The following ITGB2 variants were observed in gnomAD, a reference collection of about 807,000 sequenced individuals.
The protein encoded by ITGB2 is integrin beta-2.
A neutral mutation model predicts 86.8 loss-of-function variants in ITGB2; 56 were observed. That is an observed-to-expected ratio of 0.65 (90% CI 0.52 to 0.81). The LOEUF is 0.81. ITGB2 is among the 30% of genes least tolerant of loss of function. The pLI is 0.00. For synonymous variants in ITGB2, 457 were observed against 450.4 expected, an observed-to-expected ratio of 1.01 and a Z score of -0.19; for missense variants, 948 against 1,061.2, an observed-to-expected ratio of 0.89 and a Z score of 1.48.
Position 44,905,387 on chromosome 21 carries a change from A to T in ITGB2, c.328+1528T>A, listed in dbSNP as rs183038769. Among the ~76,000 whole-genome samples the T allele has an allele frequency of 1.3e-3, 202 of 152,110 alleles. 3 individuals carry two copies. The highest frequency in any genetic ancestry group is 4.7e-3 in the African/African-American group (193 of 41,498). ...AGCATTTGCCCCCTGCACAGTGGGGATGCATGCCAGGCCGTGGGCAGCCAC... is the reference window on the plus strand; with the variant it reads ...AGCATTTGCCCCCTGCACAGTGGGGTTGCATGCCAGGCCGTGGGCAGCCAC... On this transcript the variant is annotated intron_variant, in intron 4 of 15. Coordinates refer to ENST00000652462, the MANE Select transcript of ITGB2 (RefSeq NM_000211.5).
chr21:44,886,793 G>A lies in ITGB2; in HGVS notation c.2190C>T (p.Ser730=), dbSNP rs375930896. The A allele has an allele frequency of 1.9e-5, 30 of 1,613,850 alleles. No homozygotes were observed. Among genetic ancestry groups the A allele is most frequent in the Middle Eastern group, 1.6e-4 (1 of 6,084 alleles). ...CAAAGCGCCTGTACTCCCGGAGGTC[G>A]CTCAGGTGGATCAGAGCCTTCCAGA... ...LVIWKALIHL[S]DLREYRRFEK... is the part of the protein sequence containing the mutation. The change falls in exon 15 of 16, where the codon AGC becomes AGT. Residue 730 remains serine (S), a synonymous_variant. Transcript: ENST00000652462.
intron 6 of ITGB2, among the ~76,000 whole-genome samples, chr21:44,900,958 C>T (rs917562814): frequency 1.3e-5 from 2 of 152,210 alleles, no homozygotes; most frequent in South Asian, 2.1e-4. Flanking sequence ...AGCAGTGTGT[C>T]TGCGCTGGGA....
Position 44,891,806 on chromosome 21 carries a change from C to T in ITGB2, c.1412+3G>A, listed in dbSNP as rs1445361252. 2 of 1,603,736 alleles carry T rather than the reference C, an allele frequency of 1.2e-6. No homozygotes were observed. Among genetic ancestry groups the T allele is most frequent in the Middle Eastern group, 1.6e-4 (1 of 6,078 alleles). On this transcript the variant is annotated splice_donor_region_variant and intron_variant, in intron 11 of 15. Transcript: ENST00000652462. ...GTTCAACAGGGACCTGCGCCCGCCT[C>T]ACCTGCAGATGCCGCACTCCAAGAA...
At chr21:44,915,037 A>AT (rs2084185059) in intron 1 of ITGB2, among the ~76,000 whole-genome samples, 1 of 151,936 alleles carries the variant, frequency 6.6e-6, no homozygotes, top group Non-Finnish European at 1.5e-5. Flanking sequence ...CTTCCTTTTT[A>AT]TTTTTTTGAG....
intron 14 of ITGB2, among the ~76,000 whole-genome samples, chr21:44,888,249 C>A (rs1162121645): frequency 6.6e-6 from 1 of 152,232 alleles, no homozygotes; most frequent in East Asian, 1.9e-4. Context: ...TGGCCCTGGG[C>A]CCCTCCAGGG....
chr21:44,921,848 A>T (rs1440290144), upstream of ITGB2, among the ~76,000 whole-genome samples: 1 of 152,058 alleles, frequency 6.6e-6, no homozygotes, highest in African/African-American at 2.4e-5. Flanking sequence ...CAGCCTCCCA[A>T]GTAGCTGGGA....
intron 10 of ITGB2, chr21:44,893,062 G>GTTTCTGTTGC: frequency 3.2e-6 from 1 of 314,828 alleles, no homozygotes; most frequent in Non-Finnish European, 6.3e-6. Context: ...GCCAAGGCGT[G>GTTTCTGTTGC]TGTGAAGAAC....
chr21:44,922,965 C>T (rs948071326), upstream of ITGB2: 3 of 152,238 alleles, frequency 2.0e-5, no homozygotes, highest in Non-Finnish European at 4.4e-5. Flanking sequence ...CATTCTACTA[C>T]ACCCGCTGAT....
chr21:44,899,574 G>A (rs562315170), intron 7 of ITGB2, among the ~76,000 whole-genome samples: 236 of 152,174 alleles, frequency 1.6e-3, no homozygotes, highest in Non-Finnish European at 2.8e-3. Context: ...TGTGGCTCCC[G>A]GCGGAGGACC....
At position 44,889,391 on chromosome 21, in the gene ITGB2, C is replaced by T. The variant is rs748258747; in HGVS notation, c.1762G>A (p.Val588Ile). ...TTEGCLNPRR[V>I]ECSGRGRCRC... Reference sequence around the variant, plus strand: ...CACCGGCCACGACCACTACACTCAACACGCCGCGGGTTCAGGCAGCCCTCA... The same window carrying T: ...CACCGGCCACGACCACTACACTCAATACGCCGCGGGTTCAGGCAGCCCTCA... The change falls in exon 13 of 16, where the codon GTT becomes ATT. Residue 588 changes from valine to isoleucine, a missense_variant. Transcript: ENST00000652462. The T allele has an allele frequency of 1.1e-5, 17 of 1,612,746 alleles. No homozygotes were observed. Among genetic ancestry groups the T allele is most frequent in the South Asian group, 7.7e-5 (7 of 91,062 alleles).
At position 44,889,289 on chromosome 21, in the gene ITGB2, AG is replaced by A. The variant is rs779256661; in HGVS notation, c.1863del (p.Cys622ValfsTer11). On this transcript the variant is annotated frameshift_variant, in exon 13 of 16. Coordinates refer to ENST00000652462, the MANE Select transcript of ITGB2 (RefSeq NM_000211.5). LOFTEE classifies it high-confidence loss of function. ...GCCTGCACTCACATGTACTTGCCAC[AG>A]GGTGAGGGGCAGCCGGGGCACTCCT... Reference protein sequence around the residue: ...LCQECPGCPSPCGKYISCAEC... With the variant: ...LCQECPGCPSXCGKYISCAEC... 1.2e-6 allele frequency: 2 copies of A among 1,612,744 alleles called. No individual in the cohort carries two copies. Among genetic ancestry groups the A allele is most frequent in the South Asian group, 2.2e-5 (2 of 91,084 alleles).
chr21:44,904,370 A>C (rs1277772348), intron 4 of ITGB2, among the ~76,000 whole-genome samples: 1 of 151,628 alleles, frequency 6.6e-6, no homozygotes, highest in Non-Finnish European at 1.5e-5. Flanking sequence ...ATACACACCC[A>C]CATATATGCA....
rs141700802 is a variant in ITGB2, at chr21:44,903,527, C to T, written c.337G>A (p.Ala113Thr). ...CGCCGGAAGGTCACGTTGAACGCTGCTGCCTGGCCTGCCGGTGGGGACAGA... is the reference window on the plus strand; with the variant it reads ...CGCCGGAAGGTCACGTTGAACGCTGTTGCCTGGCCTGCCGGTGGGGACAGA... ...VTLYLRPGQA[A>T]AFNVTFRRAK... The change falls in exon 5 of 16, where the codon GCA (alanine) becomes ACA (threonine). Residue 113 changes from alanine (A) to threonine (T), a missense_variant. By Grantham distance (58) the Ala-to-Thr change is moderately conservative (BLOSUM62 0). Coordinates refer to ENST00000652462, the MANE Select transcript of ITGB2 (RefSeq NM_000211.5). 1.9e-6 allele frequency: 3 copies of T among 1,613,946 alleles called. No homozygotes were observed. The highest frequency in any genetic ancestry group is 3.3e-5 in the Admixed American group (2 of 60,014).
chr21:44,891,854 C>A lies in ITGB2; in HGVS notation c.1367G>T (p.Arg456Leu), dbSNP rs759837189. Residue 456 changes from arginine (R) to leucine (L), a missense_variant, in exon 11 of 16, where the codon CGC becomes CTC. Coordinates refer to ENST00000652462, the MANE Select transcript of ITGB2 (RefSeq NM_000211.5). ...ECRCRDQSRD[R>L]SLCHGKGFLE... ...GAAGCCCTTGCCATGGCAGAGGCTGCGGTCTCTGCTCTGGTCCCGGCACCG... is the reference window on the plus strand; with the variant it reads ...GAAGCCCTTGCCATGGCAGAGGCTGAGGTCTCTGCTCTGGTCCCGGCACCG... The A allele has an allele frequency of 1.9e-6, 3 of 1,610,984 alleles. No homozygotes were observed. The East Asian group carries it at 6.7e-5, about 36-fold the overall frequency.
intron 4 of ITGB2, 95 bp from the exon 5 acceptor site, chr21:44,903,630 C>T: frequency 6.9e-7 from 1 of 1,449,294 alleles, no homozygotes; most frequent in Non-Finnish European, 9.5e-7. Context: ...CACTGGCACC[C>T]TCTCCTCCAG....
At chr21:44,910,897 C>T in intron 1 of ITGB2, 112 bp from the exon 2 acceptor site, 1 of 1,099,988 alleles carries the variant, frequency 9.1e-7, no homozygotes, top group Non-Finnish European at 1.3e-6. Context: ...CCTGTCCCTG[C>T]TGCAGGGGGT....
chr21:44,910,837 G>A, intron 1 of ITGB2, 52 bp from the exon 2 acceptor site: 1 of 1,564,538 alleles, frequency 6.4e-7, no homozygotes, highest in Non-Finnish European at 8.7e-7. Flanking sequence ...CCCTGGGGCT[G>A]ACCACCCATG....
chr21:44,892,849 C>T (rs2083808623), intron 10 of ITGB2: 1 of 165,792 alleles, frequency 6.0e-6, no homozygotes, highest in Non-Finnish European at 1.3e-5. Flanking sequence ...CCTGTGTGGC[C>T]CATGCCTTAA....
At chr21:44,913,410 C>T (rs2084161148) in intron 1 of ITGB2, among the ~76,000 whole-genome samples, 1 of 152,308 alleles carries the variant, frequency 6.6e-6, no homozygotes, top group Non-Finnish European at 1.5e-5. Flanking sequence ...GGCACTCCCA[C>T]CTGCCCACAG....
Sources: gnomAD v4.1 joint callset for allele counts (sites outside exome capture counted in the v4.1 genomes callset) on GRCh38, gnomAD v4.1.1 for gene constraint, MANE v1.5 for transcripts, NCBI Gene and HGNC (gene_info 2026-07-23, HGNC 2026-07-21) for gene names.